STX1A: variants seen among roughly 807,000 people sequenced by gnomAD.
STX1A encodes the protein syntaxin-1A.
A neutral mutation model predicts 37.8 loss-of-function variants in STX1A; 4 were observed. That is an observed-to-expected ratio of 0.11 (90% CI 0.05 to 0.24). STX1A has a LOEUF of 0.24. STX1A is among the 10% of genes least tolerant of loss of function. STX1A has a pLI of 1.00. For synonymous variants in STX1A, 135 were observed against 147.4 expected (o/e 0.92, Z 0.61); for missense variants, 251 against 399.9 (o/e 0.63, Z 3.18).
Position 73,700,398 on chromosome 7 carries a change from G to A in STX1A, c.*9C>T, listed in dbSNP as rs1798606341. 6.2e-7 allele frequency: 1 copy of A among 1,613,960 alleles called. No individual in the cohort carries two copies. The highest frequency in any genetic ancestry group is 8.5e-7 in the Non-Finnish European group (1 of 1,179,888). Reference sequence around the variant, plus strand: ...CCCACCTGGAGTGGAGTGGCAGTTTGGGTGGCTTCTAGGCGAAGATGCCCC... The same window carrying A: ...CCCACCTGGAGTGGAGTGGCAGTTTAGGTGGCTTCTAGGCGAAGATGCCCC... On this transcript the variant is annotated 3_prime_UTR_variant, in exon 10 of 10. Transcript: ENST00000222812. The surrounding 1 kb of genome is among the most constrained non-coding windows in gnomAD (Gnocchi z 4.4).
At chr7:73,703,307 G>C in intron 7 of STX1A, 1 of 552,654 alleles carries the variant, frequency 1.8e-6, no homozygotes, top group Non-Finnish European at 3.4e-6. Flanking sequence ...CCCAAGCCTG[G>C]AACTGCCTTT....
At position 73,699,948 on chromosome 7, in the gene STX1A, C is replaced by G. The variant is rs1392340364; in HGVS notation, c.*459G>C. 4.8e-6 allele frequency: 1 copy of G among 207,676 alleles called. No individual in the cohort carries two copies. Among genetic ancestry groups the G allele is most frequent in the Non-Finnish European group, 9.9e-6 (1 of 101,072 alleles). 12.9% of individuals were successfully genotyped at this position (207,676 alleles called of 1,614,324 possible). Reference sequence around the variant, plus strand: ...GGCTGTCCCTCAGGGCCACCTCTCCCCTAACCTGAAAAGCAGCACCATGTG... The same window carrying G: ...GGCTGTCCCTCAGGGCCACCTCTCCGCTAACCTGAAAAGCAGCACCATGTG... On this transcript the variant is annotated 3_prime_UTR_variant, in exon 10 of 10. Coordinates refer to ENST00000222812, the MANE Select transcript of STX1A (RefSeq NM_004603.4).
At chr7:73,701,148 G>A in intron 8 of STX1A, 4 of 594,348 alleles carry the variant, frequency 6.7e-6, no homozygotes, top group African/African-American at 1.9e-5. Flanking sequence ...GTGCCAGGCA[G>A]AGGAAGGTGG....
Position 73,700,957 on chromosome 7 carries a change from A to G in STX1A, c.679-117T>C. The G allele has an allele frequency of 6.5e-7, 1 of 1,533,814 alleles. No homozygotes were observed. The highest frequency in any genetic ancestry group is 8.7e-7 in the Non-Finnish European group (1 of 1,144,388). On this transcript the variant is annotated intron_variant, in intron 8 of 9. Transcript: ENST00000222812. The surrounding 1 kb of genome is among the most constrained non-coding windows in gnomAD (Gnocchi z 4.4). The stretch of plus-strand genomic sequence containing the variant: ...CTAGAGACAAAAAGGGGGCGTGAGG[A>G]GGTTAGGGTACAGCTTCTCACCTGG...
At position 73,704,267 on chromosome 7, in the gene STX1A, G is replaced by A. The variant is rs782666829; in HGVS notation, c.358-11C>T. 1.5e-5 allele frequency: 25 copies of A among 1,613,856 alleles called. No homozygotes were observed. The highest frequency in any genetic ancestry group is 5.0e-5 in the Admixed American group (3 of 59,986). ...GGACAGCGTGGAGTGCTGGGGGCCC[G>A]AGATGGAGGTGCAGGGGTCAGGCCC... On this transcript the variant is annotated splice_polypyrimidine_tract_variant and intron_variant, in intron 5 of 9. Transcript: ENST00000222812.
Position 73,705,125 on chromosome 7 carries a change from C to G in STX1A, c.283+25G>C. On this transcript the variant is annotated intron_variant, in intron 4 of 9. Transcript: ENST00000222812. The surrounding 1 kb of genome is among the most constrained non-coding windows in gnomAD (Gnocchi z 5.2). ...GAAGCAGGCCTAGAATGCCCCCCAC[C>G]CACCCCCAGACAAGCCTGACTCACT... 1 of 1,611,938 alleles carries G rather than the reference C, an allele frequency of 6.2e-7. No individual in the cohort carries two copies. Among genetic ancestry groups the G allele is most frequent in the East Asian group, 2.2e-5 (1 of 44,880 alleles).
rs552747262 is a variant in STX1A, at chr7:73,699,406, C to T, written c.*1001G>A. The T allele has an allele frequency of 5.2e-5, 8 of 152,680 alleles. No individual in the cohort carries two copies. Among genetic ancestry groups the T allele is most frequent in the African/African-American group, 1.2e-4 (5 of 41,524 alleles). 9.5% of individuals were successfully genotyped at this position (152,680 alleles called of 1,614,324 possible). On this transcript the variant is annotated 3_prime_UTR_variant, in exon 10 of 10. Transcript: ENST00000222812. Reference sequence around the variant, plus strand: ...GGCCCCATCCCCTGCTGCATGCACTCGCATGCATCTCCCTGCCTGTCCACA... The same window carrying T: ...GGCCCCATCCCCTGCTGCATGCACTTGCATGCATCTCCCTGCCTGTCCACA...
chr7:73,714,403 C>T (rs566688275), intron 1 of STX1A, among the ~76,000 whole-genome samples: 1 of 152,114 alleles, frequency 6.6e-6, no homozygotes, highest in Non-Finnish European at 1.5e-5. Flanking sequence ...CCACCGCGCC[C>T]AGCTCTTTTT....
intron 8 of STX1A, chr7:73,701,241 C>G (rs371243675): frequency 2.1e-5 from 9 of 438,720 alleles, no homozygotes; most frequent in East Asian, 1.8e-4. Context: ...CCCACACCCC[C>G]ATCCTCAGGC....
intron 6 of STX1A, 40 bp from the exon 7 acceptor site, chr7:73,703,868 G>T: frequency 6.3e-7 from 1 of 1,596,048 alleles, no homozygotes; most frequent in Non-Finnish European, 8.5e-7. Flanking sequence ...AGCCCTCTTC[G>T]GGGAGTTCAG....
rs1355553218 is a variant in STX1A, at chr7:73,700,524, G to C, written c.790-40C>G. On this transcript the variant is annotated intron_variant, in intron 9 of 9. Transcript: ENST00000222812. This position sits in a 1 kb window ranked among gnomAD's most constrained non-coding sequence, Gnocchi z 4.4. ...GGCAGGAGAGGCCTCAGACAGTGTT[G>C]GCGGCAGGTGGGGTGGGACTATGGC... The C allele has an allele frequency of 5.6e-6, 9 of 1,607,672 alleles. No individual in the cohort carries two copies. The highest frequency in any genetic ancestry group is 7.6e-6 in the Non-Finnish European group (9 of 1,176,496).
intron 8 of STX1A, among the ~76,000 whole-genome samples, chr7:73,701,656 T>G (rs1204285919): frequency 3.3e-5 from 5 of 152,146 alleles, no homozygotes; most frequent in African/African-American, 1.2e-4. Flanking sequence ...TCCTAGGGCG[T>G]GTCTCCCTCT....
At chr7:73,704,895 G>A (rs1450624428) in intron 4 of STX1A, 6 of 582,258 alleles carry the variant, frequency 1.0e-5, no homozygotes, top group African/African-American at 7.5e-5. Context: ...TTTAGCAGAG[G>A]TGAGGGGCAG....
chr7:73,703,494 A>C, intron 7 of STX1A: 1 of 677,940 alleles, frequency 1.5e-6, no homozygotes, highest in South Asian at 1.5e-5. Flanking sequence ...GGGCCCACGG[A>C]TAAGAGGAGG....
At chr7:73,715,390 C>T (rs1398367758) in intron 1 of STX1A, among the ~76,000 whole-genome samples, 3 of 152,038 alleles carry the variant, frequency 2.0e-5, no homozygotes, top group African/African-American at 7.2e-5. Flanking sequence ...CCATTGCACT[C>T]CAGCCTGGAG....
chr7:73,703,518 C>T (rs1433688592), intron 7 of STX1A: 2 of 694,202 alleles, frequency 2.9e-6, no homozygotes, highest in South Asian at 1.5e-5. Flanking sequence ...CGCTGGCCGC[C>T]GGCGAAAGTG....
rs1364542742 is a variant in STX1A at position 73,699,650 on chromosome 7, C to T, written c.*757G>A. 3.3e-5 allele frequency: 5 copies of T among 152,632 alleles called. No individual in the cohort carries two copies. The highest frequency in any genetic ancestry group is 1.2e-4 in the African/African-American group (5 of 41,452). The allele number at this position is 152,632 out of a possible 1,614,324, so 9.5% of individuals were successfully genotyped here. A position where few individuals can be genotyped will look rare whatever the true frequency, so the allele number is the denominator to read the frequency against. On this transcript the variant is annotated 3_prime_UTR_variant, in exon 10 of 10. Transcript: ENST00000222812. ...CGCAAGACAACAGGAGCCACCATCCCAAACATGCAACGCTGGCTTGAGGGA... is the reference window on the plus strand; with the variant it reads ...CGCAAGACAACAGGAGCCACCATCCTAAACATGCAACGCTGGCTTGAGGGA...
intron 3 of STX1A, among the ~76,000 whole-genome samples, chr7:73,708,262 C>CAAAAAAAAA (rs1157786155): frequency 1.2e-4 from 6 of 49,582 alleles, no homozygotes; most frequent in African/African-American, 1.5e-4. Context: ...GACTCCATCT[C>CAAAAAAAAA]AAAAAAAAAA....
In STX1A at chr7:73,704,431, C is replaced by A. The variant is rs782433844; in HGVS notation, c.284-8G>T. The A allele has an allele frequency of 1.7e-5, 27 of 1,614,130 alleles. No homozygotes were observed. The highest frequency in any genetic ancestry group is 7.6e-6 in the Non-Finnish European group (9 of 1,180,024). On this transcript the variant is annotated splice_region_variant and splice_polypyrimidine_tract_variant and intron_variant, in intron 4 of 9. Coordinates refer to ENST00000222812, the MANE Select transcript of STX1A (RefSeq NM_004603.4). Reference sequence around the variant, plus strand: ...CGATGGACTGCTCGATGCCTGGGGGCACAGGTGGCTGCTAAGTCATAACCA... The same window carrying A: ...CGATGGACTGCTCGATGCCTGGGGGAACAGGTGGCTGCTAAGTCATAACCA...
Sources: allele counts gnomAD v4.1 joint callset (sites outside exome capture counted in the v4.1 genomes callset), GRCh38; gene constraint gnomAD v4.1.1; non-coding constraint Gnocchi (gnomAD v3.1); transcripts MANE v1.5; gene names NCBI Gene and HGNC (gene_info 2026-07-23, HGNC 2026-07-21).